The following HOMER1 variants were observed in gnomAD, a reference collection of about 807,000 sequenced individuals.
The protein encoded by HOMER1 is homer protein homolog 1.
In HOMER1, 3 loss-of-function variants were observed where a neutral mutation model predicts 48.9. That is an observed-to-expected ratio of 0.06 (90% confidence interval 0.03 to 0.16). The LOEUF (loss-of-function observed/expected upper bound fraction) is 0.16. Among genes scored for constraint, HOMER1 ranks in the 10% least tolerant of loss-of-function variants. The pLI, the probability that HOMER1 is intolerant of heterozygous loss-of-function variation, is 1.00. For synonymous variants in HOMER1, 134 were observed against 146.4 expected, an observed-to-expected ratio of 0.92 and a Z score of 0.61; for missense variants, 247 against 411.4, an observed-to-expected ratio of 0.60 and a Z score of 3.46.
chr5:79,391,293 G>A (rs1205927773), intron 8 of HOMER1, among the ~76,000 whole-genome samples: 9 of 151,628 alleles, frequency 5.9e-5, no homozygotes, highest in African/African-American at 1.9e-4. Flanking sequence ...ATGTGCCACC[G>A]CATCCGGCTA....
intron 1 of HOMER1, among the ~76,000 whole-genome samples, chr5:79,506,602 C>A (rs1752774643): frequency 1.3e-5 from 2 of 152,134 alleles, no homozygotes; most frequent in African/African-American, 4.8e-5. Context: ...TGGCTCACAG[C>A]AAGGCAGACG....
chr5:79,409,274 A>C (rs568310050), intron 5 of HOMER1, among the ~76,000 whole-genome samples: 4 of 151,898 alleles, frequency 2.6e-5, no homozygotes, highest in Non-Finnish European at 2.9e-5. Flanking sequence ...CTCTACTAAA[A>C]ATACAAAATT....
chr5:79,436,760 C>T (rs1750595341), intron 5 of HOMER1, among the ~76,000 whole-genome samples: 1 of 152,142 alleles, frequency 6.6e-6, no homozygotes, highest in Admixed American at 6.5e-5. Context: ...GGGATTCTAG[C>T]ATTAACTTAA....
chr5:79,391,707 C>T (rs1749257850), intron 8 of HOMER1, among the ~76,000 whole-genome samples: 1 of 150,602 alleles, frequency 6.6e-6, no homozygotes, highest in Admixed American at 6.6e-5. Context: ...CGCGCCACTG[C>T]ATTCCAGCCT....
intron 8 of HOMER1, among the ~76,000 whole-genome samples, chr5:79,388,013 T>TG (rs1749159989): frequency 6.6e-6 from 1 of 152,162 alleles, no homozygotes; most frequent in African/African-American, 2.4e-5. Context: ...GGCAGAGTTG[T>TG]GGGGGCAATG....
chr5:79,496,988 C>T (rs1226020162), intron 1 of HOMER1, among the ~76,000 whole-genome samples: 2 of 149,442 alleles, frequency 1.3e-5, no homozygotes, highest in African/African-American at 4.9e-5. Flanking sequence ...ATTGCCTGAA[C>T]CCAGGAGGCT....
At chr5:79,387,131 G>GATGT (rs1749139322) in intron 8 of HOMER1, among the ~76,000 whole-genome samples, 1 of 143,560 alleles carries the variant, frequency 7.0e-6, no homozygotes. Flanking sequence ...CTATCACCCA[G>GATGT]ACGTACACGT....
At chr5:79,460,249 T>C (rs1220787630) in intron 1 of HOMER1, among the ~76,000 whole-genome samples, 1 of 152,134 alleles carries the variant, frequency 6.6e-6, no homozygotes, top group African/African-American at 2.4e-5. Flanking sequence ...GGCTGATCAC[T>C]TGAGCTCACA....
At chr5:79,427,371 T>G (rs915267688) in intron 5 of HOMER1, among the ~76,000 whole-genome samples, 1 of 150,838 alleles carries the variant, frequency 6.6e-6, no homozygotes, top group Non-Finnish European at 1.5e-5. Flanking sequence ...ATTTATCCAG[T>G]TTTTTTTTGT....
intron 6 of HOMER1, among the ~76,000 whole-genome samples, chr5:79,398,463 T>G (rs1749450678): frequency 6.6e-6 from 1 of 152,136 alleles, no homozygotes; most frequent in South Asian, 2.1e-4. Context: ...TTTCCAAATA[T>G]CAAATTACCC....
intron 1 of HOMER1, among the ~76,000 whole-genome samples, chr5:79,480,384 G>T (rs1016087057): frequency 6.6e-6 from 1 of 152,042 alleles, no homozygotes; most frequent in Non-Finnish European, 1.5e-5. Flanking sequence ...TGGAGGAGGG[G>T]GCAGTTTAAG....
chr5:79,397,199 T>C (rs1398556544), intron 7 of HOMER1, among the ~76,000 whole-genome samples: 1 of 152,168 alleles, frequency 6.6e-6, no homozygotes, highest in Non-Finnish European at 1.5e-5. Context: ...TCCTAAGATA[T>C]TAAAGTTTTG....
intron 1 of HOMER1, among the ~76,000 whole-genome samples, chr5:79,505,773 A>T (rs2112381152): frequency 6.6e-6 from 1 of 152,334 alleles, no homozygotes; most frequent in African/African-American, 2.4e-5. Flanking sequence ...GGGTTTTATA[A>T]ACAATTTTAT....
chr5:79,379,100 AT>A (rs1297164700), intron 8 of HOMER1, among the ~76,000 whole-genome samples: 1 of 59,366 alleles, frequency 1.7e-5, no homozygotes, highest in Non-Finnish European at 2.7e-5. Context: ...ATATATATAT[AT>A]ATATATATAT....
At chr5:79,421,324 G>C (rs1379961397) in intron 5 of HOMER1, among the ~76,000 whole-genome samples, 1 of 152,160 alleles carries the variant, frequency 6.6e-6, no homozygotes, top group Non-Finnish European at 1.5e-5. Flanking sequence ...GTTTAGTTAT[G>C]TTATGCTGGT....
chr5:79,425,872 T>C (rs1403921034), intron 5 of HOMER1, among the ~76,000 whole-genome samples: 3 of 152,032 alleles, frequency 2.0e-5, no homozygotes, highest in African/African-American at 7.2e-5. Context: ...TAAAATGATC[T>C]AATTAGAAAA....
Position 79,463,723 on chromosome 5 carries a change from C to T in HOMER1, c.6-6705G>A, listed in dbSNP as rs144150536. 3.5e-3 allele frequency among the ~76,000 whole-genome samples: 538 copies of T among 152,274 alleles called. 2 individuals carry two copies. Among genetic ancestry groups the T allele is most frequent in the African/African-American group, 0.013 (529 of 41,546 alleles). Reference sequence around the variant, plus strand: ...GTCATTCATTCACTTCATAACACCACCCCACAGTATACACAATTTGATTTT... The same window carrying T: ...GTCATTCATTCACTTCATAACACCATCCCACAGTATACACAATTTGATTTT... On this transcript the variant is annotated intron_variant, in intron 1 of 8. Transcript: ENST00000334082.
At chr5:79,402,106 C>A in intron 5 of HOMER1, 51 bp from the exon 6 acceptor site, 1 of 1,442,022 alleles carries the variant, frequency 6.9e-7, no homozygotes, top group East Asian at 2.3e-5. Context: ...CTACTGTTAC[C>A]TTGAAGGGAC....
At chr5:79,389,659 G>A (rs1477328689) in intron 8 of HOMER1, among the ~76,000 whole-genome samples, 1 of 152,166 alleles carries the variant, frequency 6.6e-6, no homozygotes, top group Non-Finnish European at 1.5e-5. Flanking sequence ...ATCTTGGAAG[G>A]GGAAAGCAGT....
Sources: allele counts gnomAD v4.1 joint callset (sites outside exome capture counted in the v4.1 genomes callset), GRCh38; gene constraint gnomAD v4.1.1; transcripts MANE v1.5; gene names NCBI Gene and HGNC (gene_info 2026-07-23, HGNC 2026-07-21).